The following PLCG2 variants were observed in gnomAD, a reference collection of about 807,000 sequenced individuals.
PLCG2 encodes the protein 1-phosphatidylinositol 4,5-bisphosphate phosphodiesterase gamma-2.
PLCG2 carries 69 observed loss-of-function variants against 175.6 expected under a neutral mutation model. That is an observed-to-expected ratio of 0.39 (90% CI 0.32 to 0.48). PLCG2 has a LOEUF of 0.48. Ranked by LOEUF, PLCG2 falls within the 20% of genes least tolerant of loss-of-function variation. The pLI is 0.91. For missense variants in PLCG2, 1,798 were observed against 1,650.9 expected (o/e 1.09, Z -1.54); for synonymous variants, 827 against 624.0 (o/e 1.33, Z -4.85).
At chr16:81,931,237 C>G (rs144267198) in intron 24 of PLCG2, 2 of 302,224 alleles carry the variant, frequency 6.6e-6, no homozygotes, top group Non-Finnish European at 1.2e-5. Context: ...ACATCTGCAA[C>G]GACCCTATAA....
intron 2 of PLCG2, among the ~76,000 whole-genome samples, chr16:81,788,037 A>T (rs1911061451): frequency 6.6e-6 from 1 of 152,062 alleles, no homozygotes; most frequent in Non-Finnish European, 1.5e-5. Flanking sequence ...GTTTCTCTAC[A>T]AGTTTTTGTG....
chr16:81,953,208 G>A (rs892234672), intron 31 of PLCG2, among the ~76,000 whole-genome samples: 1 of 152,228 alleles, frequency 6.6e-6, no homozygotes, highest in African/African-American at 2.4e-5. Context: ...ATGACTAAAG[G>A]TTCTGTGGGA....
chr16:81,957,751 T>A (rs1339755294), intron 32 of PLCG2, among the ~76,000 whole-genome samples: 1 of 152,146 alleles, frequency 6.6e-6, no homozygotes, highest in Admixed American at 6.5e-5. Flanking sequence ...GAGTAGCTCT[T>A]ACTCTGTTTT....
Position 81,923,584 on chromosome 16 carries a change from C to G in PLCG2, c.2407C>G (p.Pro803Ala). The G allele has an allele frequency of 6.2e-7, 1 of 1,607,668 alleles. No homozygotes were observed. The highest frequency in any genetic ancestry group is 1.1e-5 in the South Asian group (1 of 90,878). The change falls in exon 22 of 33, where the codon CCC (proline) becomes GCC (alanine). Residue 803 changes from proline to alanine, a missense_variant. By Grantham distance (27) the Pro-to-Ala change is conservative. Transcript: ENST00000564138. ...CCTCATCCACAATGTCTCCAAGGAGCCCGGGGGCTGGTAAGGCTGAGTGGA... is the reference window on the plus strand; with the variant it reads ...CCTCATCCACAATGTCTCCAAGGAGGCCGGGGGCTGGTAAGGCTGAGTGGA... ...GALIHNVSKE[P>A]GGWWKGDYGT... is the part of the protein sequence containing the mutation.
chr16:81,774,843 T>C (rs1376287934), upstream of PLCG2, among the ~76,000 whole-genome samples: 2 of 151,908 alleles, frequency 1.3e-5, no homozygotes, highest in Non-Finnish European at 2.9e-5. Context: ...CTCCTGGGCT[T>C]AAGTGATCCT....
intron 2 of PLCG2, among the ~76,000 whole-genome samples, chr16:81,830,745 A>G (rs1905227853): frequency 6.6e-6 from 1 of 151,922 alleles, no homozygotes; most frequent in Non-Finnish European, 1.5e-5. Flanking sequence ...CAAGGGCTGC[A>G]GCTGACTCCA....
intron 2 of PLCG2, among the ~76,000 whole-genome samples, chr16:81,840,811 C>G (rs553265882): frequency 1.3e-5 from 2 of 152,190 alleles, no homozygotes; most frequent in East Asian, 3.8e-4. Flanking sequence ...AGCTCCCTTC[C>G]GAGTGGCAAG....
intron 2 of PLCG2, among the ~76,000 whole-genome samples, chr16:81,787,773 TTC>T (rs1430987091): frequency 1.3e-5 from 2 of 152,098 alleles, no homozygotes; most frequent in Non-Finnish European, 2.9e-5. Flanking sequence ...TTAAATTTAA[TTC>T]TGTTTCTATA....
At position 81,864,932 on chromosome 16, in the gene PLCG2, A is replaced by G. The variant is rs561651886; in HGVS notation, c.480-4282A>G. On this transcript the variant is annotated intron_variant, in intron 5 of 32. Coordinates refer to ENST00000564138, the MANE Select transcript of PLCG2 (RefSeq NM_002661.5). ...AGGGAATAGTTGCCGTCCTTCTCCA[A>G]AGGGATTCCCTTGTTTCCTAACCCA... is the stretch of plus-strand genomic sequence containing the variant. Among the ~76,000 whole-genome samples, 34 of 152,214 alleles carry G rather than the reference A, an allele frequency of 2.2e-4. No individual in the cohort carries two copies. In the South Asian group the frequency reaches 7.1e-3, roughly 32 times the overall value.
intron 2 of PLCG2, among the ~76,000 whole-genome samples, chr16:81,797,051 T>A (rs956556006): frequency 1.6e-4 from 25 of 152,214 alleles, no homozygotes; most frequent in African/African-American, 6.0e-4. Flanking sequence ...CCACGTGTCA[T>A]GTTATTTTCT....
In PLCG2 at chr16:81,815,420, C is replaced by T. The variant is rs1597334184; in HGVS notation, c.193+29238C>T. The stretch of plus-strand genomic sequence containing the variant: ...ACAGTCTTAGAGTGTATCCCAGGGA[C>T]CCTGTCTTTCCAGCGGGAAACTGCA... On this transcript the variant is annotated intron_variant, in intron 2 of 32. Coordinates refer to ENST00000564138, the MANE Select transcript of PLCG2 (RefSeq NM_002661.5). 2.0e-5 allele frequency among the ~76,000 whole-genome samples: 3 copies of T among 152,166 alleles called. No homozygotes were observed. In the South Asian group the frequency reaches 6.2e-4, roughly 32 times the overall value.
intron 2 of PLCG2, among the ~76,000 whole-genome samples, chr16:81,837,722 T>G (rs980454631): frequency 3.4e-4 from 51 of 152,056 alleles, no homozygotes; most frequent in Non-Finnish European, 5.6e-4. Flanking sequence ...GCTGTGCATT[T>G]TTTTCCATTG....
At chr16:81,778,030 A>C (rs1218598336), upstream of PLCG2, among the ~76,000 whole-genome samples, 6 of 81,930 alleles carry the variant, frequency 7.3e-5, no homozygotes, top group East Asian at 2.6e-4. Flanking sequence ...AAAAAAAAAA[A>C]ACAAAAAAAA....
In PLCG2 at chr16:81,939,981, G is replaced by C. The variant is rs748340116; in HGVS notation, c.3403G>C (p.Val1135Leu). ...YDPNLAFLRFVVYEEDMFSDP... is the reference protein window; with the variant it reads ...YDPNLAFLRFLVYEEDMFSDP... ...CCCAAACCTGGCATTTCTGCGCTTTGTGGTTTATGAAGAAGATATGTTCAG... is the reference window on the plus strand; with the variant it reads ...CCCAAACCTGGCATTTCTGCGCTTTCTGGTTTATGAAGAAGATATGTTCAG... The change falls in exon 30 of 33, where the codon GTG becomes CTG. Residue 1135 changes from valine (V) to leucine (L), a missense_variant. Physicochemically the swap from Val to Leu is conservative, Grantham distance 32. Coordinates refer to ENST00000564138, the MANE Select transcript of PLCG2 (RefSeq NM_002661.5). 25 of 1,614,084 alleles carry C rather than the reference G, an allele frequency of 1.5e-5. No homozygotes were observed. Among genetic ancestry groups the C allele is most frequent in the Non-Finnish European group, 1.9e-5 (23 of 1,179,926 alleles).
At chr16:81,939,225 A>T (rs1456236505) in intron 29 of PLCG2, among the ~76,000 whole-genome samples, 1 of 152,186 alleles carries the variant, frequency 6.6e-6, no homozygotes, top group Non-Finnish European at 1.5e-5. Flanking sequence ...TCAAAGGCCA[A>T]GAGGCAGAGA....
At chr16:81,839,058 C>G (rs918754594) in intron 2 of PLCG2, among the ~76,000 whole-genome samples, 146 of 152,058 alleles carry the variant, frequency 9.6e-4, no homozygotes, top group African/African-American at 3.3e-3. Context: ...ACAACTATTT[C>G]TAGGTAGAAT....
chr16:81,795,467 G>T (rs746783368), intron 2 of PLCG2, among the ~76,000 whole-genome samples: 1 of 152,186 alleles, frequency 6.6e-6, no homozygotes, highest in Admixed American at 6.5e-5. Flanking sequence ...ATTTCTTCCT[G>T]TAAGTTTATC....
intron 2 of PLCG2, among the ~76,000 whole-genome samples, chr16:81,809,913 A>G (rs1904302928): frequency 6.6e-6 from 1 of 152,008 alleles, no homozygotes. Flanking sequence ...TGTGTAGCTC[A>G]CAGCATCCAA....
intron 31 of PLCG2, among the ~76,000 whole-genome samples, chr16:81,952,386 C>T (rs574270060): frequency 1.8e-4 from 27 of 152,252 alleles, no homozygotes; most frequent in African/African-American, 6.5e-4. Flanking sequence ...TCATTGGATT[C>T]TCAATTCCAG....
Sources: allele counts gnomAD v4.1 joint callset (sites outside exome capture counted in the v4.1 genomes callset), GRCh38; gene constraint gnomAD v4.1.1; transcripts MANE v1.5; gene names NCBI Gene and HGNC (gene_info 2026-07-23, HGNC 2026-07-21).